Variants in FMN2 observed in about 807,000 individuals in gnomAD.
The protein encoded by FMN2 is formin-2.
A neutral mutation model predicts 142.3 loss-of-function variants in FMN2; 51 were observed. That is an observed-to-expected ratio of 0.36 (90% CI 0.29 to 0.45). The LOEUF (loss-of-function observed/expected upper bound fraction) is 0.45, where lower values mean the gene tolerates loss of function less well. Among genes scored for constraint, FMN2 ranks in the 20% least tolerant of loss-of-function variants. The pLI, the probability that FMN2 is intolerant of heterozygous loss-of-function variation, is 1.00. For synonymous variants in FMN2, 882 were observed against 869.8 expected, an observed-to-expected ratio of 1.01 and a Z score of -0.25; for missense variants, 1,936 against 2,122.8, an observed-to-expected ratio of 0.91 and a Z score of 1.73.
intron 7 of FMN2, among the ~76,000 whole-genome samples, chr1:240,264,381 A>G (rs982237490): frequency 1.3e-5 from 2 of 152,074 alleles, no homozygotes; most frequent in Non-Finnish European, 2.9e-5. Context: ...TTGTTTATTT[A>G]TTTTTATTTT....
At chr1:240,346,702 C>A (rs553494600) in intron 13 of FMN2, among the ~76,000 whole-genome samples, 259 of 152,146 alleles carry the variant, frequency 1.7e-3, no homozygotes, top group African/African-American at 6.2e-3. Context: ...TAATCGTATA[C>A]AAGAGGAAAG....
intron 6 of FMN2, among the ~76,000 whole-genome samples, chr1:240,240,450 C>T (rs1334685065): frequency 1.3e-5 from 2 of 152,106 alleles, no homozygotes; most frequent in East Asian, 3.8e-4. Context: ...CAATAAGAGT[C>T]TTTTATTCCT....
intron 8 of FMN2, among the ~76,000 whole-genome samples, chr1:240,316,301 T>G (rs1558428877): frequency 6.6e-6 from 1 of 152,152 alleles, no homozygotes; most frequent in Non-Finnish European, 1.5e-5. Flanking sequence ...TATCTGGGAT[T>G]GTTCTTAAAT....
intron 13 of FMN2, among the ~76,000 whole-genome samples, chr1:240,339,648 A>G (rs1036293653): frequency 6.6e-6 from 1 of 152,176 alleles, no homozygotes; most frequent in Non-Finnish European, 1.5e-5. Flanking sequence ...TGAAAAATGT[A>G]GAGAAGAAAA....
At chr1:240,314,843 A>G (rs939817513) in intron 8 of FMN2, among the ~76,000 whole-genome samples, 3 of 152,188 alleles carry the variant, frequency 2.0e-5, no homozygotes, top group Admixed American at 2.0e-4. Context: ...TTGTTTTTAC[A>G]TAAATTCTGT....
In FMN2 at chr1:240,330,603, A is replaced by T; in HGVS notation, c.4438A>T (p.Thr1480Ser). The change falls in exon 11 of 18, where the codon ACA (threonine) becomes TCA (serine). Residue 1480 changes from threonine (T) to serine (S), a missense_variant and splice_region_variant. Coordinates refer to ENST00000319653, the MANE Select transcript of FMN2 (RefSeq NM_020066.5). The stretch of plus-strand genomic sequence containing the variant: ...TTTTTGTTGTTATTCTGTTTTACAG[A>T]CATTAAAAAATGGCCCAGGGGTTAT... ...KLELLQKLCETLKNGPGVMQV... is the reference protein window; with the variant it reads ...KLELLQKLCESLKNGPGVMQV... 6.2e-7 allele frequency: 1 copy of T among 1,612,292 alleles called. No individual in the cohort carries two copies. The highest frequency in any genetic ancestry group is 8.5e-7 in the Non-Finnish European group (1 of 1,179,500).
chr1:240,353,076 C>T (rs1672149183), intron 13 of FMN2, among the ~76,000 whole-genome samples: 1 of 150,578 alleles, frequency 6.6e-6, no homozygotes, highest in African/African-American at 2.4e-5. Context: ...TTCCTCCTTC[C>T]TTGAGATCAA....
chr1:240,204,895 G>A (rs995831357), intron 4 of FMN2, among the ~76,000 whole-genome samples: 1 of 152,122 alleles, frequency 6.6e-6, no homozygotes, highest in African/African-American at 2.4e-5. Context: ...TTTTTCCACT[G>A]CAAATGGGTT....
At chr1:240,422,334 G>A (rs1031037813) in intron 15 of FMN2, among the ~76,000 whole-genome samples, 2 of 152,108 alleles carry the variant, frequency 1.3e-5, no homozygotes, top group African/African-American at 4.8e-5. Context: ...AATCAAGTTG[G>A]GAAGAACTGA....
chr1:240,468,282 A>ACACACACATATACATATG (rs1458776132), intron 16 of FMN2, among the ~76,000 whole-genome samples: 7 of 151,878 alleles, frequency 4.6e-5, no homozygotes, highest in African/African-American at 7.3e-5. Context: ...ATACATATGC[A>ACACACACATATACATATG]CACACACATA....
chr1:240,182,734 T>C (rs1665202789), intron 3 of FMN2, among the ~76,000 whole-genome samples: 1 of 152,062 alleles, frequency 6.6e-6, no homozygotes, highest in African/African-American at 2.4e-5. Flanking sequence ...TAAAGGTAAT[T>C]GGAAATTTAG....
chr1:240,146,054 C>G (rs955459831), intron 2 of FMN2, among the ~76,000 whole-genome samples: 10 of 150,550 alleles, frequency 6.6e-5, no homozygotes, highest in Non-Finnish European at 1.3e-4. Flanking sequence ...AGGATAGGGT[C>G]TACATATGCC....
At chr1:240,346,504 G>A (rs1031660364) in intron 13 of FMN2, among the ~76,000 whole-genome samples, 1 of 152,138 alleles carries the variant, frequency 6.6e-6, no homozygotes, top group African/African-American at 2.4e-5. Flanking sequence ...ATAGCCGGGG[G>A]ATGAGAAACA....
At chr1:240,110,798 C>A (rs973721472) in intron 1 of FMN2, among the ~76,000 whole-genome samples, 1 of 151,860 alleles carries the variant, frequency 6.6e-6, no homozygotes, top group African/African-American at 2.4e-5. Context: ...TATAGTAAAA[C>A]AAATATGCAA....
At chr1:240,204,750 G>A (rs1226832157) in intron 4 of FMN2, among the ~76,000 whole-genome samples, 5 of 150,694 alleles carry the variant, frequency 3.3e-5, no homozygotes, top group Non-Finnish European at 5.9e-5. Flanking sequence ...AAACTCCGTC[G>A]CAAAAAAAAA....
At chr1:240,233,314 A>T (rs1231083241) in intron 6 of FMN2, among the ~76,000 whole-genome samples, 3 of 152,026 alleles carry the variant, frequency 2.0e-5, no homozygotes, top group African/African-American at 7.2e-5. Context: ...CCTGGAGGTG[A>T]ACAGAAGTTG....
intron 16 of FMN2, 86 bp from the exon 17 acceptor site, chr1:240,472,286 G>T: frequency 1.1e-6 from 1 of 876,482 alleles, no homozygotes; most frequent in South Asian, 1.5e-5. Flanking sequence ...AATCTTTATT[G>T]AGTTGAGGTT....
intron 4 of FMN2, among the ~76,000 whole-genome samples, chr1:240,197,114 C>A (rs567119844): frequency 2.0e-5 from 3 of 152,092 alleles, no homozygotes; most frequent in Non-Finnish European, 4.4e-5. Context: ...TGCCCCACCC[C>A]CCAGCCTCGG....
At chr1:240,146,393 CAAAA>C (rs71170704) in intron 2 of FMN2, among the ~76,000 whole-genome samples, 1,062 of 99,424 alleles carry the variant, frequency 0.011, 13 homozygotes, top group African/African-American at 0.039. Flanking sequence ...GACTCTGTCT[CAAAA>C]AAAAAAAAAA....
Sources: gnomAD v4.1 joint callset for allele counts (sites outside exome capture counted in the v4.1 genomes callset) on GRCh38, gnomAD v4.1.1 for gene constraint, MANE v1.5 for transcripts, NCBI Gene and HGNC (gene_info 2026-07-23, HGNC 2026-07-21) for gene names.